SYNPR: variants seen among roughly 807,000 people sequenced by gnomAD.
SYNPR encodes synaptoporin.
SYNPR carries 23 observed loss-of-function variants against 32.9 expected under a neutral mutation model. The observed-to-expected ratio is 0.70, with a 90% CI of 0.50 to 0.99. The LOEUF (loss-of-function observed/expected upper bound fraction) is 0.99. Among genes scored for constraint, SYNPR ranks in the 50% least tolerant of loss-of-function variants. The pLI is 0.00. For synonymous variants in SYNPR, 146 were observed against 135.9 expected (o/e 1.07, Z -0.52); for missense variants, 318 against 349.3 (o/e 0.91, Z 0.71).
intron 3 of SYNPR, among the ~76,000 whole-genome samples, chr3:63,554,366 C>T (rs769133467): frequency 7.9e-5 from 12 of 152,062 alleles, no homozygotes; most frequent in Non-Finnish European, 1.8e-4. Flanking sequence ...ATCTGTAATC[C>T]GTCTTGAGTT....
chr3:63,337,474 A>T (rs1282019581), intron 2 of SYNPR, among the ~76,000 whole-genome samples: 2 of 152,144 alleles, frequency 1.3e-5, no homozygotes, highest in African/African-American at 4.8e-5. Context: ...TACAAAGTGC[A>T]ACCTTGTCTA....
At chr3:63,293,642 G>A (rs1363463599) in intron 2 of SYNPR, among the ~76,000 whole-genome samples, 2 of 152,164 alleles carry the variant, frequency 1.3e-5, no homozygotes, top group Admixed American at 6.6e-5. Flanking sequence ...GTGCCAGCAA[G>A]GTTGGTTCCT....
At chr3:63,550,348 T>C (rs558221500) in intron 3 of SYNPR, among the ~76,000 whole-genome samples, 19 of 151,916 alleles carry the variant, frequency 1.3e-4, no homozygotes, top group East Asian at 5.8e-4. Flanking sequence ...TGTGTATATA[T>C]AGATACACAA....
intron 4 of SYNPR, among the ~76,000 whole-genome samples, chr3:63,577,867 G>A (rs1171935133): frequency 6.6e-6 from 1 of 152,098 alleles, no homozygotes; most frequent in African/African-American, 2.4e-5. Context: ...GTATTAGCAA[G>A]CCTGCGTTTT....
chr3:63,426,942 A>T (rs1378784333), intron 2 of SYNPR: 1 of 152,204 alleles, frequency 6.6e-6, no homozygotes, highest in Non-Finnish European at 1.5e-5. Context: ...AAATAATTTT[A>T]AAATAACTCT....
At chr3:63,380,665 C>A (rs2087955017) in intron 2 of SYNPR, among the ~76,000 whole-genome samples, 1 of 152,074 alleles carries the variant, frequency 6.6e-6, no homozygotes, top group Non-Finnish European at 1.5e-5. Context: ...AAAATACTGG[C>A]AAACCGAATC....
At chr3:63,596,477 C>T (rs528327669) in intron 4 of SYNPR, among the ~76,000 whole-genome samples, 10 of 152,134 alleles carry the variant, frequency 6.6e-5, no homozygotes, top group African/African-American at 9.6e-5. Flanking sequence ...AGTGGTCAAG[C>T]CAGCCTTTCC....
chr3:63,217,676 G>A, the SYNPR span, among the ~76,000 whole-genome samples: 15 of 151,574 alleles, frequency 9.9e-5, no homozygotes, highest in Non-Finnish European at 7.4e-5. Context: ...CTTCTGCGTC[G>A]CTCACGCTGG....
intron 2 of SYNPR, among the ~76,000 whole-genome samples, chr3:63,350,719 C>T (rs921810665): frequency 6.6e-6 from 1 of 152,190 alleles, no homozygotes; most frequent in African/African-American, 2.4e-5. Flanking sequence ...ATGACACTTG[C>T]ACTTGCTATG....
At chr3:63,440,712 C>T (rs964650093) in intron 2 of SYNPR, among the ~76,000 whole-genome samples, 29 of 152,150 alleles carry the variant, frequency 1.9e-4, no homozygotes, top group African/African-American at 7.0e-4. Context: ...TCAGTAGAAA[C>T]CCTTCAATTT....
intron 2 of SYNPR, among the ~76,000 whole-genome samples, chr3:63,474,772 C>T (rs1700868169): frequency 6.6e-6 from 1 of 152,032 alleles, no homozygotes; most frequent in African/African-American, 2.4e-5. Flanking sequence ...TTTCAATCTC[C>T]CAACCCCTTA....
At chr3:63,245,731 G>A (rs1575574648) in intron 1 of SYNPR, among the ~76,000 whole-genome samples, 1 of 92,678 alleles carries the variant, frequency 1.1e-5, no homozygotes, top group South Asian at 2.8e-4. Flanking sequence ...GTGTGTGTGT[G>A]TGTGTGTGTA....
At chr3:63,306,807 T>C (rs2086914673) in intron 2 of SYNPR, among the ~76,000 whole-genome samples, 2 of 151,996 alleles carry the variant, frequency 1.3e-5, no homozygotes, top group African/African-American at 2.4e-5. Context: ...CAACCTGGCT[T>C]AGACTTCAGG....
At chr3:63,372,279 C>A (rs1202423080) in intron 2 of SYNPR, among the ~76,000 whole-genome samples, 1 of 152,144 alleles carries the variant, frequency 6.6e-6, no homozygotes, top group Non-Finnish European at 1.5e-5. Context: ...CTGCTTCTCA[C>A]CAAGTGAAGG....
chr3:63,476,831 T>C (rs1371675035), intron 2 of SYNPR, among the ~76,000 whole-genome samples: 1 of 152,224 alleles, frequency 6.6e-6, no homozygotes, highest in Admixed American at 6.5e-5. Flanking sequence ...ATGTGCTTTT[T>C]GATTGTGTCT....
At chr3:63,354,519 G>A (rs2087549705) in intron 2 of SYNPR, among the ~76,000 whole-genome samples, 3 of 152,308 alleles carry the variant, frequency 2.0e-5, no homozygotes, top group Middle Eastern at 3.4e-3. Context: ...TGATGGCAAA[G>A]ACATAACAAG....
chr3:63,520,380 T>C (rs1701883391), intron 3 of SYNPR, among the ~76,000 whole-genome samples: 3 of 152,074 alleles, frequency 2.0e-5, no homozygotes, highest in Non-Finnish European at 4.4e-5. Context: ...CACACACCAT[T>C]ATCAGGGTAA....
chr3:63,476,747 C>T (rs1420209702), intron 2 of SYNPR, among the ~76,000 whole-genome samples: 2 of 152,158 alleles, frequency 1.3e-5, no homozygotes, highest in Non-Finnish European at 2.9e-5. Flanking sequence ...ATGTAACACC[C>T]CCCCAGGTAT....
intron 1 of SYNPR, among the ~76,000 whole-genome samples, chr3:63,241,831 C>G (rs2086246424): frequency 6.6e-6 from 1 of 151,846 alleles, no homozygotes; most frequent in Admixed American, 6.6e-5. Context: ...TTATATCCAG[C>G]CAAAAGCATA....
Sources: gnomAD v4.1 joint callset for allele counts (sites outside exome capture counted in the v4.1 genomes callset) on GRCh38, gnomAD v4.1.1 for gene constraint, MANE v1.5 for transcripts, NCBI Gene and HGNC (gene_info 2026-07-23, HGNC 2026-07-21) for gene names.